Variants in TMEM132D observed in about 807,000 individuals in gnomAD.
TMEM132D encodes the protein transmembrane protein 132D.
Under a neutral mutation model 62.3 loss-of-function variants are expected in TMEM132D, and 21 were observed. The observed-to-expected ratio is 0.34, with a 90% CI of 0.24 to 0.49. The LOEUF (loss-of-function observed/expected upper bound fraction) is 0.49. Ranked by LOEUF, TMEM132D falls within the 20% of genes least tolerant of loss-of-function variation. TMEM132D has a pLI of 0.99. For synonymous variants in TMEM132D, 621 were observed against 575.6 expected, an observed-to-expected ratio of 1.08 and a Z score of -1.13; for missense variants, 1,346 against 1,402.8, an observed-to-expected ratio of 0.96 and a Z score of 0.65.
rs34775349 is a variant in TMEM132D, at chr12:129,299,420, C to CTTTTTT, written c.1299+38208_1299+38213dup. ...CTCTTTTCTGTTTCACATAGTTGAA[C>CTTTTTT]TTTTTTTTTTTTTTTTTTGCCAATT... On this transcript the variant is annotated intron_variant, in intron 4 of 8. Transcript: ENST00000422113. Among the ~76,000 whole-genome samples, 362 of 127,618 alleles carry CTTTTTT rather than the reference C, an allele frequency of 2.8e-3. 2 individuals carry two copies. The highest frequency in any genetic ancestry group is 0.01 in the African/African-American group (342 of 34,146). The allele number at this position is 127,618 out of a possible 152,430, so 83.7% of individuals were successfully genotyped here.
chr12:129,789,350 A>G (rs1247814214), intron 1 of TMEM132D, among the ~76,000 whole-genome samples: 1 of 152,198 alleles, frequency 6.6e-6, no homozygotes, highest in East Asian at 1.9e-4. Flanking sequence ...CTTCACTTAG[A>G]ATAATGGTCT....
chr12:129,223,046 C>A (rs1388825535), intron 4 of TMEM132D, among the ~76,000 whole-genome samples: 1 of 151,916 alleles, frequency 6.6e-6, no homozygotes, highest in African/African-American at 2.4e-5. Flanking sequence ...CCAGTTATAC[C>A]TCAATAAAGC....
Position 129,091,587 on chromosome 12 carries a change from C to T in TMEM132D, c.1444-6885G>A, listed in dbSNP as rs142175471. 1.4e-3 allele frequency among the ~76,000 whole-genome samples: 208 copies of T among 151,954 alleles called. 1 individual carries two copies. The highest frequency in any genetic ancestry group is 4.8e-3 in the African/African-American group (198 of 41,442). On this transcript the variant is annotated intron_variant, in intron 5 of 8. Transcript: ENST00000422113. ...GCTCTGGAGAGCTTACCTATCCTCA[C>T]CTGGGCTCTGGAGACCCTACCTATC...
At chr12:129,481,994 A>G (rs1024126097) in intron 3 of TMEM132D, among the ~76,000 whole-genome samples, 4 of 152,190 alleles carry the variant, frequency 2.6e-5, no homozygotes, top group Non-Finnish European at 2.9e-5. Context: ...ACCTCTCCCA[A>G]CTGGAACCCC....
intron 1 of TMEM132D, among the ~76,000 whole-genome samples, chr12:129,720,324 C>T (rs1321065720): frequency 1.3e-5 from 2 of 152,148 alleles, no homozygotes; most frequent in Non-Finnish European, 2.9e-5. Context: ...CAGAACATTC[C>T]CATTCTGACT....
intron 2 of TMEM132D, among the ~76,000 whole-genome samples, chr12:129,543,404 G>A (rs61945415): frequency 0.42 from 58,204 of 138,766 alleles, 16,636 homozygotes; most frequent in Non-Finnish European, 0.46. Flanking sequence ...ATGGATGGAT[G>A]GATAGACAGA....
intron 4 of TMEM132D, among the ~76,000 whole-genome samples, chr12:129,298,685 C>CT (rs1881635349): frequency 6.6e-6 from 1 of 152,146 alleles, no homozygotes; most frequent in Admixed American, 6.5e-5. Context: ...TAATACAACT[C>CT]TTTTTATCTT....
intron 3 of TMEM132D, among the ~76,000 whole-genome samples, chr12:129,489,418 T>C (rs892035851): frequency 6.6e-6 from 1 of 152,238 alleles, no homozygotes; most frequent in African/African-American, 2.4e-5. Context: ...TGTTAGTCAC[T>C]GAAACAAAAC....
At chr12:129,660,572 C>T (rs1240840839) in intron 2 of TMEM132D, among the ~76,000 whole-genome samples, 1 of 152,064 alleles carries the variant, frequency 6.6e-6, no homozygotes, top group Non-Finnish European at 1.5e-5. Flanking sequence ...CTGTGCTGAC[C>T]CCAAACTCTG....
At chr12:129,309,264 A>T (rs937113638) in intron 4 of TMEM132D, among the ~76,000 whole-genome samples, 1 of 151,970 alleles carries the variant, frequency 6.6e-6, no homozygotes, top group Non-Finnish European at 1.5e-5. Flanking sequence ...TTGATTTTTC[A>T]TGTTCTTTCT....
intron 2 of TMEM132D, among the ~76,000 whole-genome samples, chr12:129,572,559 G>A (rs155691): frequency 0.41 from 61,921 of 151,954 alleles, 12,724 homozygotes; most frequent in East Asian, 0.5. Flanking sequence ...AGCAATTCTC[G>A]TGCCTCAGCC....
chr12:129,344,073 C>T (rs1324394925), intron 3 of TMEM132D, among the ~76,000 whole-genome samples: 1 of 152,218 alleles, frequency 6.6e-6, no homozygotes, highest in Non-Finnish European at 1.5e-5. Flanking sequence ...GGACGCCTTC[C>T]TCCTCTTACT....
chr12:129,543,100 A>AAGATGGAT (rs1295290422), intron 2 of TMEM132D, among the ~76,000 whole-genome samples: 13 of 147,254 alleles, frequency 8.8e-5, no homozygotes, highest in African/African-American at 3.0e-4. Context: ...ATAGATTAGA[A>AAGATGGAT]AGATGGATAG....
At chr12:129,536,287 T>C (rs531532238) in intron 2 of TMEM132D, among the ~76,000 whole-genome samples, 2 of 152,348 alleles carry the variant, frequency 1.3e-5, no homozygotes, top group South Asian at 4.1e-4. Flanking sequence ...GATTTGGTGA[T>C]AGCATTCCTC....
At chr12:129,901,884 A>AAT (rs1875368694) in intron 1 of TMEM132D, among the ~76,000 whole-genome samples, 1 of 149,342 alleles carries the variant, frequency 6.7e-6, no homozygotes, top group South Asian at 2.2e-4. Context: ...CAAAAAAAAA[A>AAT]TGCTGGGCTG....
chr12:129,611,184 A>C (rs1350520118), intron 2 of TMEM132D, among the ~76,000 whole-genome samples: 2 of 152,166 alleles, frequency 1.3e-5, no homozygotes, highest in African/African-American at 4.8e-5. Flanking sequence ...CTCTCCACAT[A>C]GTTTAATACT....
At chr12:129,630,124 C>G (rs2137166412) in intron 2 of TMEM132D, among the ~76,000 whole-genome samples, 1 of 152,282 alleles carries the variant, frequency 6.6e-6, no homozygotes, top group Admixed American at 6.5e-5. Context: ...TTCCAGATAT[C>G]CCAGCTGGCC....
chr12:129,253,177 A>G (rs2135591445), intron 4 of TMEM132D, among the ~76,000 whole-genome samples: 1 of 151,586 alleles, frequency 6.6e-6, no homozygotes, highest in African/African-American at 2.4e-5. Flanking sequence ...TGTACCCTAA[A>G]ACGTAAAGTA....
chr12:129,502,439 C>G (rs1354797412), intron 3 of TMEM132D, among the ~76,000 whole-genome samples: 2 of 151,932 alleles, frequency 1.3e-5, no homozygotes, highest in East Asian at 3.9e-4. Flanking sequence ...TAGGACTGCA[C>G]ATGGCAGAAG....
Sources: allele counts gnomAD v4.1 joint callset (sites outside exome capture counted in the v4.1 genomes callset), GRCh38; gene constraint gnomAD v4.1.1; transcripts MANE v1.5; gene names NCBI Gene and HGNC (gene_info 2026-07-23, HGNC 2026-07-21).